Variants in MICALL2 observed in about 807,000 individuals in gnomAD.
MICALL2 encodes the protein MICAL like 2.
In MICALL2, 111 loss-of-function variants were observed where a neutral mutation model predicts 91.1. The ratio of observed to expected loss-of-function variants is 1.22; its 90% CI spans 1.04 to 1.43. MICALL2 has a LOEUF of 1.43. MICALL2 is among the 40% of genes most tolerant of loss of function. The pLI is 0.00. For missense variants in MICALL2, 1,556 were observed against 1,236.0 expected, an observed-to-expected ratio of 1.26 and a Z score of -3.88; for synonymous variants, 694 against 525.3, an observed-to-expected ratio of 1.32 and a Z score of -4.39.
intron 1 of MICALL2, among the ~76,000 whole-genome samples, chr7:1,455,775 C>T (rs1562470581): frequency 6.6e-6 from 1 of 151,968 alleles, no homozygotes. Flanking sequence ...GCAGGAAGGA[C>T]TAAGGCCAGA....
At position 1,439,988 on chromosome 7, in the gene MICALL2, T is replaced by G. The variant is rs769375989; in HGVS notation, c.1903A>C (p.Thr635Pro). ...CTGTCAGGCCTCACGGGGGTCAGGG[T>G]GATGTGGACACTCCCAGCAAAGCTG... ...SGSFAGSVHI[T>P]LTPVRPDRTP... The change falls in exon 9 of 17, where the codon ACC becomes CCC. Residue 635 changes from threonine to proline, a missense_variant. Transcript: ENST00000297508. 1 of 1,538,956 alleles carries G rather than the reference T, an allele frequency of 6.5e-7. No individual in the cohort carries two copies. The highest frequency in any genetic ancestry group is 8.7e-7 in the Non-Finnish European group (1 of 1,154,298).
In MICALL2 at chr7:1,447,602, C is replaced by A. The variant is rs373384642; in HGVS notation, c.498G>T (p.Glu166Asp). 8 of 1,588,810 alleles carry A rather than the reference C, an allele frequency of 5.0e-6. No homozygotes were observed. The highest frequency in any genetic ancestry group is 2.3e-5 in the East Asian group (1 of 43,832). The change falls in exon 4 of 17, where the codon GAG becomes GAT. Residue 166 changes from glutamate to aspartate, a missense_variant. Coordinates refer to ENST00000297508, the MANE Select transcript of MICALL2 (RefSeq NM_182924.4). The part of the protein sequence containing the change: ...QTNPVVQRRN[E>D]GAGGPPPKTD... ...TCTTGGGGGGCGGGCCCCCTGCACCCTCATTCCTCCTCTGGACCACAGGGT... is the reference window on the plus strand; with the variant it reads ...TCTTGGGGGGCGGGCCCCCTGCACCATCATTCCTCCTCTGGACCACAGGGT...
intron 15 of MICALL2, 108 bp from the exon 16 acceptor site, chr7:1,435,255 G>T: frequency 8.9e-7 from 1 of 1,118,550 alleles, no homozygotes; most frequent in Non-Finnish European, 1.3e-6. Flanking sequence ...GTCCCGCCTG[G>T]ACCCATGCCA....
chr7:1,447,864 CGGGGGGGACCT>C, intron 3 of MICALL2, 99 bp from the exon 4 acceptor site: 3 of 956,186 alleles, frequency 3.1e-6, no homozygotes, highest in Non-Finnish European at 4.3e-6. Flanking sequence ...CCTTGGTGCC[CGGGGGGGACCT>C]GGGGGCCCAG....
chr7:1,436,765 G>A lies in MICALL2; in HGVS notation c.2568C>T (p.Asp856=), dbSNP rs556137522. ...ACCGGAGCCGGTCCTCGTCCAGCGAGTCCACGATGTCACTGCGGTCGTTCA... is the reference window on the plus strand; with the variant it reads ...ACCGGAGCCGGTCCTCGTCCAGCGAATCCACGATGTCACTGCGGTCGTTCA... ...STVNDRSDIV[D]SLDEDRLREQ... is the part of the protein sequence containing the mutation. Residue 856 remains aspartate (D), a synonymous_variant, in exon 15 of 17, where the codon GAC becomes GAT. Coordinates refer to ENST00000297508, the MANE Select transcript of MICALL2 (RefSeq NM_182924.4). 4 of 1,607,974 alleles carry A rather than the reference G, an allele frequency of 2.5e-6. No homozygotes were observed. The highest frequency in any genetic ancestry group is 2.2e-5 in the East Asian group (1 of 44,448).
At chr7:1,443,115 C>A (rs28480021) in intron 6 of MICALL2, among the ~76,000 whole-genome samples, 2 of 140,810 alleles carry the variant, frequency 1.4e-5, no homozygotes, top group African/African-American at 2.6e-5. Context: ...TTCCCTCCCC[C>A]CTTTCCCTTT....
chr7:1,437,953 T>G lies in MICALL2; in HGVS notation c.2339A>C (p.Asp780Ala), dbSNP rs1780056008. ...GDDAEDSLMV[D>A]WFWLIHEKQL... The stretch of plus-strand genomic sequence containing the variant: ...CTTCTCGTGAATGAGCCAGAACCAG[T>G]CCACCATGAGGCTATCCTCAGCGTC... The change falls in exon 13 of 17, where the codon GAC becomes GCC. Residue 780 changes from aspartate (D) to alanine (A), a missense_variant. Asp to Ala is a moderately radical substitution (Grantham distance 126). Transcript: ENST00000297508. 2 of 1,550,048 alleles carry G rather than the reference T, an allele frequency of 1.3e-6. No individual in the cohort carries two copies. Among genetic ancestry groups the G allele is most frequent in the East Asian group, 4.9e-5 (2 of 41,086 alleles).
rs376444677 is a variant in MICALL2, at chr7:1,447,714, G to A, written c.386C>T (p.Pro129Leu). 20 of 1,577,328 alleles carry A rather than the reference G, an allele frequency of 1.3e-5. No homozygotes were observed. Among genetic ancestry groups the A allele is most frequent in the African/African-American group, 5.4e-5 (4 of 74,108 alleles). Residue 129 changes from proline to leucine, a missense_variant, in exon 4 of 17, where the codon CCG (proline) becomes CTG (leucine). By Grantham distance (98) the Pro-to-Leu change is moderately conservative. Coordinates refer to ENST00000297508, the MANE Select transcript of MICALL2 (RefSeq NM_182924.4). Reference sequence around the variant, plus strand: ...CTGGACTGGAGCCTTCTTCCCTGACGGCTCCTCCTCAGAGTCCTCCGAGGC... The same window carrying A: ...CTGGACTGGAGCCTTCTTCCCTGACAGCTCCTCCTCAGAGTCCTCCGAGGC... The part of the protein sequence containing the change: ...KRASEDSEEE[P>L]SGKKAPVQAA...
intron 5 of MICALL2, among the ~76,000 whole-genome samples, chr7:1,445,892 AC>A (rs1429145883): frequency 1.3e-5 from 2 of 151,622 alleles, no homozygotes; most frequent in Non-Finnish European, 2.9e-5. Flanking sequence ...AGGAGCCCCC[AC>A]CCGGGGTGCA....
rs552565534 is a variant in MICALL2 at position 1,436,703 on chromosome 7, T to C, written c.2591+39A>G. 1.1e-5 allele frequency: 16 copies of C among 1,522,466 alleles called. No individual in the cohort carries two copies. The South Asian group carries it at 1.2e-4, about 11-fold the overall frequency. 94.3% of individuals were successfully genotyped at this position (1,522,466 alleles called of 1,614,324 possible). A position where few individuals can be genotyped will look rare whatever the true frequency, so the allele number is the denominator to read the frequency against. The stretch of plus-strand genomic sequence containing the variant: ...GGCCGGGAGCATGGACCAGGCGACC[T>C]GGCCTGGCTGGGAGGGGCCCCCGGC... On this transcript the variant is annotated intron_variant, in intron 15 of 16. Coordinates refer to ENST00000297508, the MANE Select transcript of MICALL2 (RefSeq NM_182924.4).
rs980295130 is a variant in MICALL2, at chr7:1,435,851, A to G, written c.2592-704T>C. Among the ~76,000 whole-genome samples, 33 of 151,652 alleles carry G rather than the reference A, an allele frequency of 2.2e-4. 1 individual carries two copies. The highest frequency in any genetic ancestry group is 7.8e-4 in the African/African-American group (32 of 41,240). ...GGGCGGATCACGAGGTCAGATCGAG[A>G]CCATCCTGGCTAACATGGGGAAACC... is the stretch of plus-strand genomic sequence containing the variant. On this transcript the variant is annotated intron_variant, in intron 15 of 16. Transcript: ENST00000297508.
In MICALL2 at chr7:1,440,065, G is replaced by A. The variant is rs370374080; in HGVS notation, c.1826C>T (p.Pro609Leu). The A allele has an allele frequency of 2.0e-5, 32 of 1,587,576 alleles. No individual in the cohort carries two copies. In the African/African-American group the frequency reaches 2.1e-4, roughly 10 times the overall value. ...PAERTLKPKE[P>L]RALAEPRAGE... ...CGCCCTCGGCTCTGCCAGGGCCCGT[G>A]GTTCCTTGGGCTTCAGAGTCCTGGG... The change falls in exon 9 of 17, where the codon CCA (proline) becomes CTA (leucine). Residue 609 changes from proline to leucine, a missense_variant. Coordinates refer to ENST00000297508, the MANE Select transcript of MICALL2 (RefSeq NM_182924.4).
At chr7:1,440,250 AAC>A (rs1780214604) in intron 8 of MICALL2, 165 bp from the exon 9 acceptor site, 1 of 817,880 alleles carries the variant, frequency 1.2e-6, no homozygotes, top group African/African-American at 1.7e-5. Context: ...CCCTCCTGCA[AAC>A]ACACGTGTCC....
chr7:1,434,812 T>C, intron 16 of MICALL2, 140 bp from the exon 17 acceptor site: 1 of 919,750 alleles, frequency 1.1e-6, no homozygotes, highest in South Asian at 1.7e-5. Context: ...CAGGAAGCCC[T>C]GTGCCCTCCC....
chr7:1,459,254 T>C lies in MICALL2; in HGVS notation c.73A>G (p.Asn25Asp). 6.2e-7 allele frequency: 1 copy of C among 1,610,748 alleles called. No homozygotes were observed. Among genetic ancestry groups the C allele is most frequent in the South Asian group, 1.1e-5 (1 of 90,644 alleles). The change falls in exon 1 of 17, where the codon AAC (asparagine) becomes GAC (aspartate). Residue 25 changes from asparagine (N) to aspartate (D), a missense_variant. Physicochemically the swap from Asn to Asp is conservative, Grantham distance 23. Coordinates refer to ENST00000297508, the MANE Select transcript of MICALL2 (RefSeq NM_182924.4). The stretch of plus-strand genomic sequence containing the variant: ...CCGTCGCGGAACGACGTGGTCATGT[T>C]GCAGATATTCACGTCGCGGTAGCCC... ...CEGYRDVNICNMTTSFRDGLA... is the reference protein window; with the variant it reads ...CEGYRDVNICDMTTSFRDGLA...
chr7:1,457,313 A>G (rs1283910290), intron 1 of MICALL2, among the ~76,000 whole-genome samples: 1 of 152,160 alleles, frequency 6.6e-6, no homozygotes, highest in African/African-American at 2.4e-5. Context: ...CACCCTCTGG[A>G]GCTGACAGTC....
intron 5 of MICALL2, among the ~76,000 whole-genome samples, chr7:1,445,634 C>A (rs544590353): frequency 2.3e-4 from 35 of 152,240 alleles, no homozygotes; most frequent in Non-Finnish European, 4.7e-4. Flanking sequence ...CTGATTCATT[C>A]AACAAACGCC....
chr7:1,435,370 G>A (rs1395439547), intron 15 of MICALL2, among the ~76,000 whole-genome samples: 1 of 151,074 alleles, frequency 6.6e-6, no homozygotes, highest in Admixed American at 6.6e-5. Context: ...CATGGTACAG[G>A]AGGGCCCTGG....
In MICALL2 at chr7:1,450,265, T is replaced by A. The variant is rs370940371; in HGVS notation, c.167A>T (p.Glu56Val). Residue 56 changes from glutamate (E) to valine (V), a missense_variant, in exon 2 of 17, where the codon GAA becomes GTA. By Grantham distance (121) the Glu-to-Val change is moderately radical. Transcript: ENST00000297508. ...DLINFSALKK[E>V]NIYENNKLAF... ...CAGTTTATTGTTTTCATAAATATTTTCCTTCTTGAGAGCACTGAAGTTTCT... is the reference window on the plus strand; with the variant it reads ...CAGTTTATTGTTTTCATAAATATTTACCTTCTTGAGAGCACTGAAGTTTCT... The A allele has an allele frequency of 5.6e-6, 9 of 1,612,930 alleles. No homozygotes were observed. The highest frequency in any genetic ancestry group is 6.8e-6 in the Non-Finnish European group (8 of 1,179,894).
Sources: gnomAD v4.1 joint callset for allele counts (sites outside exome capture counted in the v4.1 genomes callset) on GRCh38, gnomAD v4.1.1 for gene constraint, MANE v1.5 for transcripts, NCBI Gene and HGNC (gene_info 2026-07-23, HGNC 2026-07-21) for gene names.